Variants in SMARCE1 observed in about 807,000 individuals in gnomAD.
SMARCE1 encodes SWI/SNF related BAF chromatin remodeling complex subunit E1, also known as SWI/SNF-related matrix-associated actin-dependent regulator of chromatin subfamily E member 1.
In SMARCE1, 13 loss-of-function variants were observed where a neutral mutation model predicts 54.9. That is an observed-to-expected ratio of 0.24 (90% CI 0.15 to 0.38). The LOEUF is 0.38. Among genes scored for constraint, SMARCE1 ranks in the 10% least tolerant of loss-of-function variants. The probability of loss-of-function intolerance (pLI) is 1.00; values close to 1 mark genes in which losing one functional copy is unlikely to be tolerated. For synonymous variants in SMARCE1, 151 were observed against 175.3 expected, an observed-to-expected ratio of 0.86 and a Z score of 1.10; for missense variants, 295 against 523.8, an observed-to-expected ratio of 0.56 and a Z score of 4.26.
Position 40,626,933 on chromosome 17 carries a change from A to G in SMARCE1, c.*1852T>C, listed in dbSNP as rs1359101565. 1.7e-4 allele frequency: 26 copies of G among 150,396 alleles called. No homozygotes were observed. The Admixed American group carries it at 1.7e-3, about 10-fold the overall frequency. The allele number at this position is 150,396 out of a possible 1,614,324, so 9.3% of individuals were successfully genotyped here. A position where few individuals can be genotyped will look rare whatever the true frequency, so the allele number is the denominator to read the frequency against. ...TGTTGTATGGACAGGCTTGGTCTGG[A>G]TAGACTTGTCTTCCCACTGCTATTT... On this transcript the variant is annotated 3_prime_UTR_variant, in exon 11 of 11. Transcript: ENST00000348513.
chr17:40,637,220 A>G (rs2037155299), intron 5 of SMARCE1: 5 of 430,360 alleles, frequency 1.2e-5, no homozygotes, highest in Non-Finnish European at 1.7e-5. Flanking sequence ...CATTTTCCTC[A>G]CGTCATTAAA....
intron 4 of SMARCE1, chr17:40,641,291 T>C (rs1002917560): frequency 2.0e-5 from 3 of 152,318 alleles, no homozygotes; most frequent in East Asian, 1.9e-4. Flanking sequence ...GTGAAATGCA[T>C]ACATACACAC....
Position 40,642,149 on chromosome 17 carries a change from A to C in SMARCE1, c.156+306T>G. ...AAAATGAAAAATACTCTTTATGTCA[A>C]AAAGGATATTTTTACCTTAAGAAAT... On this transcript the variant is annotated intron_variant, in intron 4 of 10. Coordinates refer to ENST00000348513, the MANE Select transcript of SMARCE1 (RefSeq NM_003079.5). The surrounding 1 kb of genome is among the most constrained non-coding windows in gnomAD (Gnocchi z 4.6). 3.9e-6 allele frequency: 2 copies of C among 512,700 alleles called. No homozygotes were observed. Among genetic ancestry groups the C allele is most frequent in the South Asian group, 6.1e-5 (2 of 32,768 alleles). The allele number at this position is 512,700 out of a possible 1,614,324, so 31.8% of individuals were successfully genotyped here.
At chr17:40,631,082 T>C (rs1254343015) in intron 9 of SMARCE1, 158 bp from the exon 10 acceptor site, 8 of 601,782 alleles carry the variant, frequency 1.3e-5, no homozygotes, top group Non-Finnish European at 2.3e-5. Context: ...TGGTTCTAGG[T>C]CTTCTCTGAA....
At position 40,626,238 on chromosome 17, in the gene SMARCE1, T is replaced by C. The variant is rs1403216304; in HGVS notation, c.*2547A>G. 1.3e-5 allele frequency: 2 copies of C among 151,290 alleles called. No individual in the cohort carries two copies. Among genetic ancestry groups the C allele is most frequent in the Non-Finnish European group, 2.9e-5 (2 of 67,836 alleles). 9.4% of individuals were successfully genotyped at this position (151,290 alleles called of 1,614,324 possible). A position where few individuals can be genotyped will look rare whatever the true frequency, so the allele number is the denominator to read the frequency against. On this transcript the variant is annotated 3_prime_UTR_variant, in exon 11 of 11. Coordinates refer to ENST00000348513, the MANE Select transcript of SMARCE1 (RefSeq NM_003079.5). ...AGACTGTCTCAAAAAAAAAGGAAAA[T>C]TGGGTGACTATCGAGGATTCCCCTC...
rs1597740230 is a variant in SMARCE1, at chr17:40,626,809, G to C, written c.*1976C>G. ...GAATTGCTTGAACCTGGGAGGTGGAGGTTGCAGTGAGCTGAGATCGCCACC... is the reference window on the plus strand; with the variant it reads ...GAATTGCTTGAACCTGGGAGGTGGACGTTGCAGTGAGCTGAGATCGCCACC... On this transcript the variant is annotated 3_prime_UTR_variant, in exon 11 of 11. Transcript: ENST00000348513. 7.9e-6 allele frequency: 1 copy of C among 125,926 alleles called. No homozygotes were observed. The highest frequency in any genetic ancestry group is 1.6e-5 in the Non-Finnish European group (1 of 62,300). 7.8% of individuals were successfully genotyped at this position (125,926 alleles called of 1,614,324 possible).
In SMARCE1 at chr17:40,632,017, T is replaced by TA. The variant is rs544904273; in HGVS notation, c.714+177dup. 2.1e-3 allele frequency: 1,201 copies of TA among 580,612 alleles called. 4 individuals carry two copies. The highest frequency in any genetic ancestry group is 4.9e-3 in the Admixed American group (148 of 30,192). The allele number at this position is 580,612 out of a possible 1,614,324, so 36.0% of individuals were successfully genotyped here. A position where few individuals can be genotyped will look rare whatever the true frequency, so the allele number is the denominator to read the frequency against. ...TTACAAGGTTCTATATTATAGTTTT[T>TA]AATGACAAACTTATTAAACATCTGG... On this transcript the variant is annotated intron_variant, in intron 8 of 10. Coordinates refer to ENST00000348513, the MANE Select transcript of SMARCE1 (RefSeq NM_003079.5).
At chr17:40,645,669 C>A in intron 2 of SMARCE1, 50 bp from the exon 3 acceptor site, 1 of 1,350,312 alleles carries the variant, frequency 7.4e-7, no homozygotes. Context: ...AGATATAATA[C>A]TATGCAACAA....
In SMARCE1 at chr17:40,630,424, T is replaced by G. The variant is rs1043927691; in HGVS notation, c.1027+290A>C. On this transcript the variant is annotated intron_variant, in intron 10 of 10. Coordinates refer to ENST00000348513, the MANE Select transcript of SMARCE1 (RefSeq NM_003079.5). Reference sequence around the variant, plus strand: ...AAACAAGTGTGGCTGTGTTCCAGTTTTATTTACAAAAACAAGTGGTGGGCA... The same window carrying G: ...AAACAAGTGTGGCTGTGTTCCAGTTGTATTTACAAAAACAAGTGGTGGGCA... The G allele has an allele frequency of 1.1e-5, 7 of 640,490 alleles. No homozygotes were observed. The African/African-American group carries it at 1.3e-4, about 12-fold the overall frequency. The allele number at this position is 640,490 out of a possible 1,614,324, so 39.7% of individuals were successfully genotyped here. A position where few individuals can be genotyped will look rare whatever the true frequency, so the allele number is the denominator to read the frequency against.
At chr17:40,638,487 A>G (rs1350521512) in intron 4 of SMARCE1, among the ~76,000 whole-genome samples, 3 of 152,182 alleles carry the variant, frequency 2.0e-5, no homozygotes, top group Non-Finnish European at 4.4e-5. Context: ...AAAAAGAAGG[A>G]AAGAGAAAGA....
chr17:40,630,187 G>T, intron 10 of SMARCE1: 1 of 1,148,820 alleles, frequency 8.7e-7, no homozygotes, highest in Non-Finnish European at 1.3e-6. Flanking sequence ...ATTTATACAA[G>T]TTATTATTAT....
chr17:40,636,648 G>A lies in SMARCE1; in HGVS notation c.238-122C>T. 4 of 706,590 alleles carry A rather than the reference G, an allele frequency of 5.7e-6. No individual in the cohort carries two copies. The South Asian group carries it at 5.9e-5, about 10-fold the overall frequency. The allele number at this position is 706,590 out of a possible 1,614,324, so 43.8% of individuals were successfully genotyped here. ...AGAGAAAACAGTATCAAATTTCTAG[G>A]TACTCATCAGCCTACTTCAAAAATT... is the stretch of plus-strand genomic sequence containing the variant. On this transcript the variant is annotated intron_variant, in intron 5 of 10. Transcript: ENST00000348513.
intron 4 of SMARCE1, among the ~76,000 whole-genome samples, chr17:40,638,747 CTTTAT>C (rs2037168504): frequency 6.6e-6 from 1 of 152,144 alleles, no homozygotes; most frequent in Admixed American, 6.6e-5. Flanking sequence ...GAAGTGTTGG[CTTTAT>C]TTTAATTATC....
At chr17:40,636,551 T>C in intron 5 of SMARCE1, 25 bp from the exon 6 acceptor site, 1 of 1,588,940 alleles carries the variant, frequency 6.3e-7, no homozygotes, top group Non-Finnish European at 8.6e-7. Context: ...AGATGAAATG[T>C]TAATACTGAT....
intron 10 of SMARCE1, chr17:40,629,353 T>A (rs895023733): frequency 7.1e-6 from 3 of 420,840 alleles, no homozygotes; most frequent in Non-Finnish European, 1.2e-5. Flanking sequence ...TTGAATTAAA[T>A]AAAACATATT....
At chr17:40,635,833 T>C (rs2037140984) in intron 7 of SMARCE1, 98 bp downstream of exon 7, 1 of 895,506 alleles carries the variant, frequency 1.1e-6, no homozygotes, top group African/African-American at 1.7e-5. Context: ...TACTTTCTTT[T>C]CCATTTAGGA....
At chr17:40,634,657 T>C (rs1445466649) in intron 7 of SMARCE1, 1 of 152,222 alleles carries the variant, frequency 6.6e-6, no homozygotes, top group African/African-American at 2.4e-5. Flanking sequence ...GTTAAAAACA[T>C]CATAGGCCCA....
intron 7 of SMARCE1, chr17:40,635,023 A>T (rs1156944902): frequency 6.6e-6 from 1 of 152,094 alleles, no homozygotes; most frequent in Non-Finnish European, 1.5e-5. Flanking sequence ...CATTATTTTT[A>T]AAAATGACTT....
chr17:40,637,305 G>A lies in SMARCE1; in HGVS notation c.237+187C>T, dbSNP rs573948828. The A allele has an allele frequency of 1.0e-4, 64 of 619,106 alleles. 2 individuals carry two copies. The highest frequency in any genetic ancestry group is 7.8e-4 in the South Asian group (43 of 54,998). The allele number at this position is 619,106 out of a possible 1,614,324, so 38.4% of individuals were successfully genotyped here. ...GGATTTTAACAGTTTATTTAATCACGCTCCTCTTGTTGGATTTTAGTTCTG... is the reference window on the plus strand; with the variant it reads ...GGATTTTAACAGTTTATTTAATCACACTCCTCTTGTTGGATTTTAGTTCTG... On this transcript the variant is annotated intron_variant, in intron 5 of 10. Coordinates refer to ENST00000348513, the MANE Select transcript of SMARCE1 (RefSeq NM_003079.5).
Sources: allele counts gnomAD v4.1 joint callset (sites outside exome capture counted in the v4.1 genomes callset), GRCh38; gene constraint gnomAD v4.1.1; non-coding constraint Gnocchi (gnomAD v3.1); transcripts MANE v1.5; gene names NCBI Gene and HGNC (gene_info 2026-07-23, HGNC 2026-07-21).